Variants in UPRT observed in about 807,000 individuals in gnomAD.
The protein encoded by UPRT is RP11-311P8.3.
UPRT carries 5 observed loss-of-function variants against 22.6 expected under a neutral mutation model. That is an observed-to-expected ratio of 0.22 (90% CI 0.12 to 0.47). UPRT has a LOEUF of 0.47. UPRT is among the 20% of genes least tolerant of loss of function. The probability of loss-of-function intolerance (pLI) is 0.99; values close to 1 mark genes in which losing one functional copy is unlikely to be tolerated. For synonymous variants in UPRT, 77 were observed against 87.7 expected (o/e 0.88, Z 0.68); for missense variants, 181 against 239.9 (o/e 0.75, Z 1.62).
intron 4 of UPRT, among the ~76,000 whole-genome samples, chrX:75,254,977 T>G (rs1057419509): frequency 1.8e-5 from 2 of 109,702 alleles, no homozygotes; most frequent in Non-Finnish European, 3.8e-5. Flanking sequence ...GGGTTTCACC[T>G]TGTTAGCCAG....
chrX:75,263,417 G>A (rs947009239), intron 4 of UPRT, among the ~76,000 whole-genome samples: 3 of 111,421 alleles, frequency 2.7e-5, no homozygotes, highest in South Asian at 3.8e-4. Context: ...GGTCTATTCC[G>A]GGATTCAACT....
At chrX:75,246,237 A>T (rs1282572646) in intron 4 of UPRT, among the ~76,000 whole-genome samples, 1 of 98,379 alleles carries the variant, frequency 1.0e-5, no homozygotes, top group Non-Finnish European at 2.1e-5. Flanking sequence ...TATATCTCCT[A>T]AAGCTATCCC....
intron 4 of UPRT, among the ~76,000 whole-genome samples, chrX:75,243,702 G>A (rs778347383): frequency 9.0e-6 from 1 of 111,397 alleles, no homozygotes; most frequent in Non-Finnish European, 1.9e-5. Flanking sequence ...AGGCACAAAG[G>A]CAATTGTACT....
At chrX:75,187,659 C>A (rs951590254) in intron 4 of UPRT, among the ~76,000 whole-genome samples, 6 of 112,246 alleles carry the variant, frequency 5.3e-5, no homozygotes, top group African/African-American at 1.9e-4. Flanking sequence ...TTCAGGTACA[C>A]CAATCAGATG....
chrX:75,251,479 A>T (rs746200420), intron 4 of UPRT, among the ~76,000 whole-genome samples: 9 of 111,444 alleles, frequency 8.1e-5, no homozygotes, highest in Non-Finnish European at 1.7e-4. Flanking sequence ...CAAAGAGAAT[A>T]AAATACCTAG....
At chrX:75,222,701 T>C (rs922834695) in intron 4 of UPRT, among the ~76,000 whole-genome samples, 16 of 110,978 alleles carry the variant, frequency 1.4e-4, no homozygotes, top group Admixed American at 4.8e-4. Context: ...CTGTGGTAAA[T>C]TCTGCCTGGT....
chrX:75,239,606 C>T (rs1242841205), intron 4 of UPRT, among the ~76,000 whole-genome samples: 3 of 110,843 alleles, frequency 2.7e-5, no homozygotes, highest in Non-Finnish European at 3.8e-5. Flanking sequence ...TTTATGAAGC[C>T]ATGATCACCC....
chrX:75,250,297 A>T (rs1228102900), intron 4 of UPRT, among the ~76,000 whole-genome samples: 1 of 110,141 alleles, frequency 9.1e-6, no homozygotes, highest in Non-Finnish European at 1.9e-5. Context: ...AGATCAACAA[A>T]ATTGATAGAC....
rs758767324 is a variant in UPRT at position 75,274,578 on chromosome X, G to T, written c.324G>T (p.Ala108=). 1.7e-6 allele frequency: 2 copies of T among 1,209,906 alleles called. No individual in the cohort carries two copies. Among genetic ancestry groups the T allele is most frequent in the Non-Finnish European group, 2.2e-6 (2 of 894,602 alleles). ...EDCELSRQIG[A]QLKLLPMNDQ... ...GCGAACTCTCCCGGCAGATCGGGGC[G>T]CAGCTTAAGCTGCTGCCTATGAATG... Residue 108 remains alanine (A), a synonymous_variant, in exon 1 of 7, where the codon GCG becomes GCT. Coordinates refer to ENST00000373383, the MANE Select transcript of UPRT (RefSeq NM_145052.4).
chrX:75,253,581 C>T (rs955227009), intron 4 of UPRT, among the ~76,000 whole-genome samples: 2 of 111,785 alleles, frequency 1.8e-5, no homozygotes, highest in Admixed American at 9.5e-5. Flanking sequence ...GAGTAGATTG[C>T]AGTGCTGACT....
chrX:75,219,868 T>C (rs2082404746), intron 4 of UPRT, among the ~76,000 whole-genome samples: 1 of 111,858 alleles, frequency 8.9e-6, no homozygotes, highest in Non-Finnish European at 1.9e-5. Flanking sequence ...TAATATAACA[T>C]AAATAATGTG....
chrX:75,205,160 G>A (rs891957136), intron 4 of UPRT, among the ~76,000 whole-genome samples: 5 of 108,495 alleles, frequency 4.6e-5, no homozygotes, highest in Non-Finnish European at 9.6e-5. Flanking sequence ...CATGAGGTCA[G>A]GAGATCGAGA....
At chrX:75,160,640 C>T (rs1291036065) in exon 2 of UPRT, among the ~76,000 whole-genome samples, 1 of 111,653 alleles carries the variant, frequency 9.0e-6, no homozygotes, top group African/African-American at 3.3e-5. Flanking sequence ...AGGGATCCTC[C>T]CGCTTCAGCC....
chrX:75,203,738 C>G (rs2082355411), intron 4 of UPRT, among the ~76,000 whole-genome samples: 1 of 111,183 alleles, frequency 9.0e-6, no homozygotes, highest in South Asian at 3.8e-4. Context: ...TGTTCTGGCC[C>G]TTGTTCTGTT....
At chrX:75,183,137 A>G (rs1426847433) in intron 4 of UPRT, among the ~76,000 whole-genome samples, 1 of 110,443 alleles carries the variant, frequency 9.1e-6, no homozygotes, top group East Asian at 2.8e-4. Context: ...CTCATCATTT[A>G]CATTAGGTAT....
At chrX:75,222,165 T>A (rs1411216032) in intron 4 of UPRT, among the ~76,000 whole-genome samples, 1 of 112,158 alleles carries the variant, frequency 8.9e-6, no homozygotes, top group East Asian at 2.8e-4. Flanking sequence ...TTCTTTCCTT[T>A]ACATTCTCCC....
intron 4 of UPRT, among the ~76,000 whole-genome samples, chrX:75,234,326 C>G (rs1481264970): frequency 9.0e-6 from 1 of 111,032 alleles, no homozygotes; most frequent in Non-Finnish European, 1.9e-5. Flanking sequence ...GACTCCCACA[C>G]ATTAATAATG....
At chrX:75,205,463 G>A (rs922738319) in intron 4 of UPRT, among the ~76,000 whole-genome samples, 1 of 109,794 alleles carries the variant, frequency 9.1e-6, no homozygotes, top group African/African-American at 3.3e-5. Flanking sequence ...AGGGCCTTCT[G>A]GATTGGCAAC....
chrX:75,263,070 G>A (rs774443042), intron 4 of UPRT, among the ~76,000 whole-genome samples: 1 of 112,030 alleles, frequency 8.9e-6, no homozygotes, highest in South Asian at 3.7e-4. Context: ...ATACTCCTCA[G>A]CAAATGCAGA....
Sources: allele counts gnomAD v4.1 joint callset (sites outside exome capture counted in the v4.1 genomes callset), GRCh38; gene constraint gnomAD v4.1.1; transcripts MANE v1.5; gene names NCBI Gene and HGNC (gene_info 2026-07-23, HGNC 2026-07-21).